The following TTLL5 variants were observed in gnomAD, a reference collection of about 807,000 sequenced individuals.
TTLL5 encodes tubulin tyrosine ligase like 5, also known as tubulin polyglutamylase TTLL5.
In TTLL5, 132 loss-of-function variants were observed where a neutral mutation model predicts 168.4. The ratio of observed to expected loss-of-function variants is 0.78; its 90% confidence interval spans 0.68 to 0.91. The LOEUF (loss-of-function observed/expected upper bound fraction) is 0.91. TTLL5 is among the 40% of genes least tolerant of loss of function. The pLI is 0.00. For missense variants in TTLL5, 1,545 were observed against 1,581.5 expected, an observed-to-expected ratio of 0.98 and a Z score of 0.39; for synonymous variants, 546 against 558.6, an observed-to-expected ratio of 0.98 and a Z score of 0.32.
At chr14:75,803,933 C>T (rs1417047029) in intron 27 of TTLL5, among the ~76,000 whole-genome samples, 1 of 152,166 alleles carries the variant, frequency 6.6e-6, no homozygotes, top group Non-Finnish European at 1.5e-5. Flanking sequence ...GCAGGCAAGC[C>T]TGAGACTGCA....
At chr14:75,846,343 A>G (rs1896538561) in intron 28 of TTLL5, among the ~76,000 whole-genome samples, 2 of 152,154 alleles carry the variant, frequency 1.3e-5, no homozygotes, top group South Asian at 4.1e-4. Flanking sequence ...GGTCCTGATG[A>G]ATTTTTACAA....
chr14:75,895,629 A>G (rs1258216304), intron 30 of TTLL5, among the ~76,000 whole-genome samples: 1 of 152,218 alleles, frequency 6.6e-6, no homozygotes, highest in Non-Finnish European at 1.5e-5. Flanking sequence ...TTTAAACTGT[A>G]TGGCTCTAAA....
chr14:75,689,859 G>T, intron 5 of TTLL5: 1 of 251,702 alleles, frequency 4.0e-6, no homozygotes, highest in South Asian at 4.4e-5. Flanking sequence ...AGGGGGACTT[G>T]AGGTAACTTT....
intron 27 of TTLL5, among the ~76,000 whole-genome samples, chr14:75,799,132 G>A (rs780643512): frequency 6.6e-6 from 1 of 151,916 alleles, no homozygotes; most frequent in Non-Finnish European, 1.5e-5. Context: ...ATTGTTTTAT[G>A]AATTTGGGAG....
At chr14:75,708,510 A>G (rs542189748) in intron 9 of TTLL5, among the ~76,000 whole-genome samples, 255 of 152,014 alleles carry the variant, frequency 1.7e-3, no homozygotes, top group African/African-American at 5.9e-3. Flanking sequence ...TATTTTTAGT[A>G]GAGACGAGGT....
intron 31 of TTLL5, chr14:75,904,332 G>C (rs2140095442): frequency 1.1e-6 from 1 of 888,826 alleles, no homozygotes; most frequent in Non-Finnish European, 1.4e-6. Context: ...TCATGGCCAA[G>C]TGTGAAGGAT....
chr14:75,687,499 C>T (rs921045129), intron 5 of TTLL5, among the ~76,000 whole-genome samples: 10 of 152,080 alleles, frequency 6.6e-5, no homozygotes, highest in African/African-American at 2.4e-4. Context: ...GTCTCGAACT[C>T]CTGACCTCAA....
intron 20 of TTLL5, among the ~76,000 whole-genome samples, chr14:75,770,547 T>A (rs1891242510): frequency 6.6e-6 from 1 of 152,240 alleles, no homozygotes; most frequent in Non-Finnish European, 1.5e-5. Flanking sequence ...TTGGCTACAG[T>A]ATCAGAAGGC....
intron 28 of TTLL5, among the ~76,000 whole-genome samples, chr14:75,841,883 G>A (rs537776081): frequency 2.4e-4 from 37 of 152,220 alleles, no homozygotes; most frequent in East Asian, 7.7e-4. Flanking sequence ...ATTTTTTCAT[G>A]TATTTTTCTG....
At chr14:75,914,588 G>A (rs1372950043) in intron 31 of TTLL5, among the ~76,000 whole-genome samples, 2 of 146,604 alleles carry the variant, frequency 1.4e-5, no homozygotes, top group Non-Finnish European at 3.0e-5. Context: ...ACTACTTCCT[G>A]TAAAATAATG....
At chr14:75,739,078 G>A (rs1889086927) in intron 15 of TTLL5, among the ~76,000 whole-genome samples, 1 of 152,122 alleles carries the variant, frequency 6.6e-6, no homozygotes, top group African/African-American at 2.4e-5. Flanking sequence ...AAAGTGCTGG[G>A]ATTGCAGGCA....
intron 24 of TTLL5, among the ~76,000 whole-genome samples, chr14:75,780,175 T>C (rs575407062): frequency 1.7e-4 from 26 of 152,348 alleles, no homozygotes; most frequent in African/African-American, 6.3e-4. Context: ...TATATTCTTC[T>C]GTCTCTCTTA....
chr14:75,672,405 C>A (rs1176489028), intron 3 of TTLL5, among the ~76,000 whole-genome samples: 1 of 152,014 alleles, frequency 6.6e-6, no homozygotes, highest in Non-Finnish European at 1.5e-5. Context: ...ACCACCATGC[C>A]CGGCTAATTT....
intron 31 of TTLL5, among the ~76,000 whole-genome samples, chr14:75,928,439 CTT>C (rs2034158862): frequency 6.8e-6 from 1 of 146,760 alleles, no homozygotes; most frequent in South Asian, 2.2e-4. Flanking sequence ...TCATCCATCT[CTT>C]TCACAAACCT....
chr14:75,864,110 A>G lies in TTLL5; in HGVS notation c.3522+248A>G, dbSNP rs551178320. ...GTTTTTTTTTCATTTGAATGCTTCT[A>G]TACAAAAATCTCTATTGTGGTGTTT... is the stretch of plus-strand genomic sequence containing the variant. On this transcript the variant is annotated intron_variant, in intron 29 of 31. Transcript: ENST00000298832. 7.9e-5 allele frequency among the ~76,000 whole-genome samples: 12 copies of G among 152,012 alleles called. No homozygotes were observed. In the South Asian group the frequency reaches 2.3e-3, roughly 29 times the overall value.
chr14:75,896,702 TAAAG>T (rs2032677137), intron 30 of TTLL5, among the ~76,000 whole-genome samples: 1 of 152,112 alleles, frequency 6.6e-6, no homozygotes, highest in South Asian at 2.1e-4. Flanking sequence ...AAACAGACCT[TAAAG>T]AAAGCATATC....
rs991672487 is a variant in TTLL5 at position 75,863,580 on chromosome 14, G to A, written c.3327-87G>A. 2.7e-5 allele frequency: 36 copies of A among 1,335,986 alleles called. No individual in the cohort carries two copies. The South Asian group carries it at 4.4e-4, about 16-fold the overall frequency. 82.8% of individuals were successfully genotyped at this position (1,335,986 alleles called of 1,614,324 possible). A position where few individuals can be genotyped will look rare whatever the true frequency, so the allele number is the denominator to read the frequency against. ...CCAAACTGTGCTTGGTTCCATATTG[G>A]AAAAATACCTGAGATATTTCTCTCC... is the stretch of plus-strand genomic sequence containing the variant. On this transcript the variant is annotated intron_variant, in intron 28 of 31. Coordinates refer to ENST00000298832, the MANE Select transcript of TTLL5 (RefSeq NM_015072.5).
chr14:75,806,643 A>G (rs1307191909), intron 27 of TTLL5, among the ~76,000 whole-genome samples: 3 of 152,172 alleles, frequency 2.0e-5, no homozygotes, highest in Admixed American at 6.5e-5. Context: ...ACTCATATGC[A>G]TACTCTTTCA....
intron 3 of TTLL5, among the ~76,000 whole-genome samples, chr14:75,678,240 G>A (rs767200013): frequency 3.3e-5 from 5 of 152,104 alleles, no homozygotes; most frequent in African/African-American, 1.2e-4. Context: ...TACAATGAAC[G>A]CATATAGTCT....
Sources: allele counts gnomAD v4.1 joint callset (sites outside exome capture counted in the v4.1 genomes callset), GRCh38; gene constraint gnomAD v4.1.1; transcripts MANE v1.5; gene names NCBI Gene and HGNC (gene_info 2026-07-23, HGNC 2026-07-21).